Variants in NFATC1 observed in about 807,000 individuals in gnomAD.
NFATC1 encodes the protein nuclear factor of activated T cells 1.
A neutral mutation model predicts 76.0 loss-of-function variants in NFATC1; 22 were observed. That is an observed-to-expected ratio of 0.29 (90% CI 0.21 to 0.41). The LOEUF is 0.41. Among genes scored for constraint, NFATC1 ranks in the 10% least tolerant of loss-of-function variants. The pLI is 1.00. For missense variants in NFATC1, 1,357 were observed against 1,337.7 expected (o/e 1.01, Z -0.23); for synonymous variants, 704 against 613.1 (o/e 1.15, Z -2.19).
chr18:79,397,432 CCAGCTCT>C (rs11276781), intron 1 of NFATC1, among the ~76,000 whole-genome samples: 81,406 of 151,478 alleles, frequency 0.54, 22,489 homozygotes, highest in East Asian at 0.78. Context: ...CCGGGCTCCC[CCAGCTCT>C]GGAAAACTCG....
chr18:79,513,928 C>G (rs1034739137), intron 9 of NFATC1, among the ~76,000 whole-genome samples: 5 of 152,204 alleles, frequency 3.3e-5, no homozygotes, highest in Non-Finnish European at 5.9e-5. Context: ...AGCCTCTGTC[C>G]CTTCTCGGGG....
chr18:79,476,649 G>T (rs375188706), intron 8 of NFATC1, among the ~76,000 whole-genome samples: 1 of 152,188 alleles, frequency 6.6e-6, no homozygotes, highest in South Asian at 2.1e-4. Context: ...ATGTTGCTCG[G>T]GGTCGACGTG....
intron 8 of NFATC1, among the ~76,000 whole-genome samples, chr18:79,483,629 C>G (rs1257266934): frequency 7.8e-6 from 1 of 128,770 alleles, no homozygotes; most frequent in African/African-American, 3.1e-5. Context: ...TGGGGCGTCA[C>G]TCTGGCGTGA....
chr18:79,451,593 C>T (rs1381175617), intron 5 of NFATC1, 83 bp from the exon 6 acceptor site: 12 of 1,396,202 alleles, frequency 8.6e-6, no homozygotes, highest in South Asian at 1.7e-5. Flanking sequence ...GGTCGGCTCA[C>T]GTGTGACCTG....
chr18:79,507,200 C>T (rs1336168935), intron 9 of NFATC1, among the ~76,000 whole-genome samples: 1 of 152,266 alleles, frequency 6.6e-6, no homozygotes, highest in Non-Finnish European at 1.5e-5. Context: ...ATCAGGCCCT[C>T]CCAGCTGCTG....
intron 9 of NFATC1, among the ~76,000 whole-genome samples, chr18:79,498,542 G>A (rs2089948917): frequency 6.6e-6 from 1 of 152,214 alleles, no homozygotes; most frequent in Admixed American, 6.5e-5. Flanking sequence ...CAGAGCATGT[G>A]AGATGCTGTA....
At chr18:79,433,436 C>T in intron 2 of NFATC1, 143 bp from the exon 3 acceptor site, 1 of 986,250 alleles carries the variant, frequency 1.0e-6, no homozygotes, top group East Asian at 2.4e-5. Flanking sequence ...ACTGCATTGA[C>T]ACAGGCTTCT....
chr18:79,397,690 C>T (rs1568903665), intron 1 of NFATC1, among the ~76,000 whole-genome samples: 1 of 152,142 alleles, frequency 6.6e-6, no homozygotes, highest in African/African-American at 2.4e-5. Context: ...ACACTTACGC[C>T]GCAGTGTTCA....
chr18:79,439,897 G>T (rs1162635126), intron 3 of NFATC1, among the ~76,000 whole-genome samples: 2 of 152,202 alleles, frequency 1.3e-5, no homozygotes, highest in Non-Finnish European at 2.9e-5. Flanking sequence ...AATGAGGTCG[G>T]CCCAGCCAGT....
intron 8 of NFATC1, chr18:79,470,016 C>G: frequency 1.0e-6 from 1 of 985,392 alleles, no homozygotes; most frequent in Non-Finnish European, 1.2e-6. Context: ...GAAACCAGCA[C>G]CCAGGTATCC....
At chr18:79,455,945 GAGGGCC>G (rs1568984504) in intron 6 of NFATC1, among the ~76,000 whole-genome samples, 2 of 152,186 alleles carry the variant, frequency 1.3e-5, no homozygotes, top group South Asian at 4.1e-4. Flanking sequence ...ACCTCACTGG[GAGGGCC>G]AGGACTCCAA....
chr18:79,405,766 T>C (rs1484006299), intron 1 of NFATC1, among the ~76,000 whole-genome samples: 1 of 152,272 alleles, frequency 6.6e-6, no homozygotes, highest in Non-Finnish European at 1.5e-5. Flanking sequence ...CTTTTTGTTT[T>C]TTAATAAAGC....
intron 9 of NFATC1, among the ~76,000 whole-genome samples, chr18:79,487,782 C>T (rs1400454119): frequency 1.3e-5 from 2 of 152,194 alleles, no homozygotes; most frequent in African/African-American, 2.4e-5. Flanking sequence ...AGGGTGATTC[C>T]GCTCGTGTTT....
At chr18:79,428,406 C>T (rs12606408) in intron 2 of NFATC1, among the ~76,000 whole-genome samples, 55,464 of 152,152 alleles carry the variant, frequency 0.36, 12,389 homozygotes, top group South Asian at 0.59. Context: ...GCACCCCGGA[C>T]CCTAGTGGGT....
chr18:79,487,031 G>A, intron 9 of NFATC1, 94 bp downstream of exon 9: 1 of 1,374,136 alleles, frequency 7.3e-7, no homozygotes, highest in Non-Finnish European at 9.8e-7. Flanking sequence ...TGTGGCACGT[G>A]TGGAAGTGCA....
rs950369770 is a variant in NFATC1, at chr18:79,446,670, T to G, written c.1387-2112T>G. 6.6e-5 allele frequency among the ~76,000 whole-genome samples: 10 copies of G among 150,964 alleles called. No homozygotes were observed. In the East Asian group the frequency reaches 1.4e-3, roughly 20 times the overall value. On this transcript the variant is annotated intron_variant, in intron 3 of 9. Coordinates refer to ENST00000427363, the MANE Select transcript of NFATC1 (RefSeq NM_001278669.2). ...CCCAGCGTCCCCCGTCCTGACTGTT[T>G]GTGTGGAGACACTCATGTATTCATA...
Position 79,451,681 on chromosome 18 carries a change from C to T in NFATC1, c.1768C>T (p.Arg590Cys). 1.9e-6 allele frequency: 3 copies of T among 1,604,870 alleles called. No homozygotes were observed. The highest frequency in any genetic ancestry group is 1.7e-6 in the Non-Finnish European group (2 of 1,175,488). ...VASNPIECSQ[R>C]SAQELPLVEK... ...CCCCTCTCCTTCTGATGCAGCCCAGCGCTCAGCTCAGGAGCTGCCTCTGGT... is the reference window on the plus strand; with the variant it reads ...CCCCTCTCCTTCTGATGCAGCCCAGTGCTCAGCTCAGGAGCTGCCTCTGGT... Residue 590 changes from arginine (R) to cysteine (C), a missense_variant, in exon 6 of 10, where the codon CGC (arginine) becomes TGC (cysteine). Transcript: ENST00000427363.
At chr18:79,488,078 A>G (rs907083807) in intron 9 of NFATC1, among the ~76,000 whole-genome samples, 1 of 126,478 alleles carries the variant, frequency 7.9e-6, no homozygotes, top group Non-Finnish European at 1.5e-5. Context: ...CTCCTGACCC[A>G]GGGGGGGCAG....
At chr18:79,414,366 G>A (rs1018241285) in intron 2 of NFATC1, among the ~76,000 whole-genome samples, 74 of 152,164 alleles carry the variant, frequency 4.9e-4, no homozygotes, top group African/African-American at 1.7e-3. Context: ...CATTAATCCT[G>A]TCCCTATGCC....
Sources: gnomAD v4.1 joint callset for allele counts (sites outside exome capture counted in the v4.1 genomes callset) on GRCh38, gnomAD v4.1.1 for gene constraint, MANE v1.5 for transcripts, NCBI Gene and HGNC (gene_info 2026-07-23, HGNC 2026-07-21) for gene names.